CSPP1: variants seen among roughly 807,000 people sequenced by gnomAD.
The protein encoded by CSPP1 is centrosome and spindle pole associated protein 1.
Under a neutral mutation model 164.4 loss-of-function variants are expected in CSPP1, and 126 were observed. The observed-to-expected ratio is 0.77, with a 90% CI of 0.66 to 0.89. The LOEUF is 0.89. CSPP1 is among the 40% of genes least tolerant of loss of function. The pLI is 0.00. For synonymous variants in CSPP1, 472 were observed against 476.7 expected (o/e 0.99, Z 0.13); for missense variants, 1,395 against 1,449.8 (o/e 0.96, Z 0.61).
At chr8:67,184,401 C>T (rs535985912) in intron 28 of CSPP1, among the ~76,000 whole-genome samples, 1 of 152,238 alleles carries the variant, frequency 6.6e-6, no homozygotes, top group Admixed American at 6.5e-5. Context: ...AAGCCTCTAG[C>T]CAAGCTAATA....
intron 13 of CSPP1, among the ~76,000 whole-genome samples, chr8:67,117,015 G>C (rs1177615554): frequency 1.3e-5 from 2 of 152,162 alleles, no homozygotes; most frequent in African/African-American, 2.4e-5. Flanking sequence ...GGTGGTCTCA[G>C]CATTGAATTA....
In CSPP1 at chr8:67,137,534, A is replaced by G. The variant is rs1212455505; in HGVS notation, c.1906A>G (p.Arg636Gly). The change falls in exon 17 of 31, where the codon AGA becomes GGA. Residue 636 changes from arginine to glycine, a missense_variant. Arg to Gly is a moderately radical substitution (Grantham distance 125). Coordinates refer to ENST00000678616, the MANE Select transcript of CSPP1 (RefSeq NM_001382391.1). ...TGAAGCTAAATTAGAAGCTGAAATG[A>G]GAACATATAATCCCTGGGGAAAAGG... ...EYEAKLEAEM[R>G]TYNPWGKGGG... 1.3e-6 allele frequency: 2 copies of G among 1,597,536 alleles called. No homozygotes were observed. The highest frequency in any genetic ancestry group is 2.7e-5 in the African/African-American group (2 of 74,154).
intron 3 of CSPP1, among the ~76,000 whole-genome samples, chr8:67,085,450 A>G (rs1810189416): frequency 2.0e-5 from 3 of 151,950 alleles, no homozygotes; most frequent in Admixed American, 2.0e-4. Context: ...GTTATATTAA[A>G]GATATTCTTG....
intron 24 of CSPP1, among the ~76,000 whole-genome samples, chr8:67,165,715 T>C (rs1266030436): frequency 6.6e-6 from 1 of 152,204 alleles, no homozygotes; most frequent in African/African-American, 2.4e-5. Flanking sequence ...CATCACATCA[T>C]CACATTGTAT....
chr8:67,081,168 A>G (rs1809080542), intron 3 of CSPP1: 1 of 132,514 alleles, frequency 7.5e-6, no homozygotes, highest in Non-Finnish European at 1.5e-5. Flanking sequence ...ACTGTGAATA[A>G]TAAAGACATT....
chr8:67,068,911 G>T (rs1050316120), intron 1 of CSPP1, among the ~76,000 whole-genome samples: 33 of 152,272 alleles, frequency 2.2e-4, no homozygotes, highest in Admixed American at 2.2e-3. Context: ...CAGCTGATGT[G>T]AATGACTACT....
intron 28 of CSPP1, among the ~76,000 whole-genome samples, chr8:67,183,997 C>T (rs1586831337): frequency 2.0e-5 from 3 of 151,986 alleles, no homozygotes. Context: ...GGATTACAGG[C>T]GCCTGCCACC....
At chr8:67,184,356 C>T (rs1286649284) in intron 28 of CSPP1, among the ~76,000 whole-genome samples, 1 of 152,150 alleles carries the variant, frequency 6.6e-6, no homozygotes, top group Non-Finnish European at 1.5e-5. Flanking sequence ...TAGAGAAAAT[C>T]AATGAAACCA....
chr8:67,154,083 A>G lies in CSPP1; in HGVS notation c.2188A>G (p.Thr730Ala). The change falls in exon 19 of 31, where the codon ACT (threonine) becomes GCT (alanine). Residue 730 changes from threonine (T) to alanine (A), a missense_variant. Transcript: ENST00000678616. Reference protein sequence around the residue: ...ARGNVFGEPPTELQIKQQELY... With the variant: ...ARGNVFGEPPAELQIKQQELY... ...GGGAAATGTATTTGGTGAGCCTCCA[A>G]CTGAACTTCAGATTAAACAGCAAGA... 6.2e-7 allele frequency: 1 copy of G among 1,605,334 alleles called. No individual in the cohort carries two copies.
At chr8:67,137,116 G>C (rs748034524) in intron 16 of CSPP1, among the ~76,000 whole-genome samples, 7 of 151,876 alleles carry the variant, frequency 4.6e-5, no homozygotes, top group Non-Finnish European at 1.0e-4. Context: ...CAAGTAGCTG[G>C]GATTACACAT....
chr8:67,141,486 G>A (rs1313725155), intron 17 of CSPP1, among the ~76,000 whole-genome samples: 1 of 152,128 alleles, frequency 6.6e-6, no homozygotes, highest in African/African-American at 2.4e-5. Flanking sequence ...GACTTAAAGA[G>A]TATCAGTTTA....
chr8:67,181,502 A>T (rs1351093517), intron 28 of CSPP1, among the ~76,000 whole-genome samples: 1 of 151,926 alleles, frequency 6.6e-6, no homozygotes, highest in East Asian at 1.9e-4. Context: ...GCCACTCAAG[A>T]TGGTGTGTTG....
chr8:67,127,718 C>T (rs1820375923), intron 15 of CSPP1, among the ~76,000 whole-genome samples: 1 of 152,210 alleles, frequency 6.6e-6, no homozygotes, highest in Admixed American at 6.5e-5. Context: ...TTTCATCCCT[C>T]CAATAAGATC....
chr8:67,137,498 AAAG>A lies in CSPP1; in HGVS notation c.1876_1878del (p.Glu626del). ...AAGAAGGAAGAAAGAACGTGAAGAA[AAAG>A]AAGAATATGAAGCTAAATTAGAAGC... On this transcript the variant is annotated inframe_deletion, in exon 17 of 31. Transcript: ENST00000678616. The A allele has an allele frequency of 5.1e-6, 8 of 1,562,260 alleles. No homozygotes were observed. Among genetic ancestry groups the A allele is most frequent in the Non-Finnish European group, 6.1e-6 (7 of 1,143,878 alleles).
intron 26 of CSPP1, 145 bp from the exon 27 acceptor site, chr8:67,177,534 AG>A: frequency 5.2e-6 from 3 of 582,074 alleles, no homozygotes; most frequent in Non-Finnish European, 9.3e-6. Context: ...TTTTTTAATA[AG>A]TGATATCTTT....
intron 17 of CSPP1, among the ~76,000 whole-genome samples, chr8:67,148,815 A>G (rs568887199): frequency 8.3e-4 from 127 of 152,254 alleles, no homozygotes; most frequent in Middle Eastern, 6.8e-3. Flanking sequence ...GTAATCATTC[A>G]GTTCTGTTTT....
At chr8:67,111,932 T>C in intron 9 of CSPP1, 40 bp from the exon 10 acceptor site, 1 of 1,286,642 alleles carries the variant, frequency 7.8e-7, no homozygotes, top group South Asian at 1.3e-5. Context: ...CATACGATGC[T>C]TAAGAGTTAA....
intron 7 of CSPP1, among the ~76,000 whole-genome samples, chr8:67,100,967 C>G (rs1449401301): frequency 2.6e-5 from 4 of 152,004 alleles, no homozygotes; most frequent in Non-Finnish European, 5.9e-5. Flanking sequence ...GTTGTAGTCA[C>G]AGTTATAATT....
chr8:67,168,064 G>A (rs1829794024), intron 24 of CSPP1, among the ~76,000 whole-genome samples: 1 of 152,232 alleles, frequency 6.6e-6, no homozygotes, highest in Admixed American at 6.5e-5. Flanking sequence ...GGAGGCCGAG[G>A]CTGGCAGATC....
Sources: allele counts gnomAD v4.1 joint callset (sites outside exome capture counted in the v4.1 genomes callset), GRCh38; gene constraint gnomAD v4.1.1; transcripts MANE v1.5; gene names NCBI Gene and HGNC (gene_info 2026-07-23, HGNC 2026-07-21).